UNC5C: variants seen among roughly 807,000 people sequenced by gnomAD.
UNC5C encodes netrin receptor UNC5C.
Under a neutral mutation model 99.8 loss-of-function variants are expected in UNC5C, and 47 were observed. The observed-to-expected ratio is 0.47, with a 90% CI of 0.37 to 0.60. The LOEUF (loss-of-function observed/expected upper bound fraction) is 0.60, where lower values mean the gene tolerates loss of function less well. UNC5C is among the 20% of genes least tolerant of loss of function. UNC5C has a pLI of 0.00. For synonymous variants in UNC5C, 487 were observed against 452.2 expected (o/e 1.08, Z -0.98); for missense variants, 1,062 against 1,165.9 (o/e 0.91, Z 1.30).
At chr4:95,499,507 C>G (rs1486091373) in intron 1 of UNC5C, among the ~76,000 whole-genome samples, 1 of 152,102 alleles carries the variant, frequency 6.6e-6, no homozygotes, top group Non-Finnish European at 1.5e-5. Context: ...ATTCTCTTCT[C>G]TGGAAATCTC....
rs923925366 is a variant in UNC5C at position 95,162,619 on chromosome 4, A to G, written c.*6615T>C. On this transcript the variant is annotated 3_prime_UTR_variant, in exon 16 of 16. Transcript: ENST00000453304. ...TACAAACCAAGGGGACTGCAGGGAAAATCAGGATTGGCAGCCAGGGAGAGA... is the reference window on the plus strand; with the variant it reads ...TACAAACCAAGGGGACTGCAGGGAAGATCAGGATTGGCAGCCAGGGAGAGA... The G allele has an allele frequency of 2.6e-5, 4 of 152,188 alleles. No homozygotes were observed. The highest frequency in any genetic ancestry group is 9.7e-5 in the African/African-American group (4 of 41,446). The allele number at this position is 152,188 out of a possible 1,614,324, so 9.4% of individuals were successfully genotyped here.
intron 1 of UNC5C, among the ~76,000 whole-genome samples, chr4:95,366,189 TG>T (rs1335980334): frequency 6.6e-6 from 1 of 152,064 alleles, no homozygotes; most frequent in Non-Finnish European, 1.5e-5. Flanking sequence ...ATGGGCTGAG[TG>T]CACTGGTGTG....
chr4:95,444,417 G>A (rs938417662), intron 1 of UNC5C, among the ~76,000 whole-genome samples: 75 of 150,128 alleles, frequency 5.0e-4, no homozygotes, highest in African/African-American at 1.7e-3. Flanking sequence ...TGCAGGATCC[G>A]CCCCCCTGGC....
chr4:95,331,512 A>G (rs17434561), intron 2 of UNC5C, among the ~76,000 whole-genome samples: 3,017 of 152,192 alleles, frequency 0.02, 37 homozygotes, highest in Middle Eastern at 0.031. Context: ...CCTTTTCTGT[A>G]AAGTTCTGGA....
At chr4:95,338,909 T>C (rs1743450256) in intron 1 of UNC5C, among the ~76,000 whole-genome samples, 1 of 152,004 alleles carries the variant, frequency 6.6e-6, no homozygotes, top group Admixed American at 6.6e-5. Context: ...GATCCCTGAT[T>C]AAAAATTTAT....
chr4:95,459,609 AC>A (rs1747542898), intron 1 of UNC5C, among the ~76,000 whole-genome samples: 2 of 152,186 alleles, frequency 1.3e-5, no homozygotes, highest in African/African-American at 2.4e-5. Flanking sequence ...GATTTGATAA[AC>A]TTTTTTGTAA....
At chr4:95,450,393 AT>A (rs886903551) in intron 1 of UNC5C, among the ~76,000 whole-genome samples, 4 of 151,970 alleles carry the variant, frequency 2.6e-5, no homozygotes, top group Non-Finnish European at 4.4e-5. Context: ...CTAATTAAAA[AT>A]TTTTTTTCTG....
intron 4 of UNC5C, among the ~76,000 whole-genome samples, chr4:95,265,989 C>T (rs1342817146): frequency 6.6e-6 from 1 of 152,214 alleles, no homozygotes; most frequent in Non-Finnish European, 1.5e-5. Flanking sequence ...CTACACAAAG[C>T]TATACCTACC....
At chr4:95,306,342 A>G (rs1212569295) in intron 2 of UNC5C, among the ~76,000 whole-genome samples, 2 of 152,046 alleles carry the variant, frequency 1.3e-5, no homozygotes, top group Non-Finnish European at 2.9e-5. Flanking sequence ...AGCTGGGACT[A>G]CAGGTGCCTG....
intron 2 of UNC5C, among the ~76,000 whole-genome samples, chr4:95,309,500 T>C (rs764456678): frequency 2.6e-5 from 4 of 151,988 alleles, no homozygotes; most frequent in Non-Finnish European, 5.9e-5. Context: ...AGACAACTTA[T>C]GGAATGAGAG....
At chr4:95,399,305 G>T (rs1488887543) in intron 1 of UNC5C, among the ~76,000 whole-genome samples, 1 of 152,160 alleles carries the variant, frequency 6.6e-6, no homozygotes, top group Non-Finnish European at 1.5e-5. Context: ...CTTCCCTAGA[G>T]ACTACCTGGG....
At chr4:95,223,700 A>ATTT (rs1194447069) in intron 7 of UNC5C, among the ~76,000 whole-genome samples, 1 of 152,124 alleles carries the variant, frequency 6.6e-6, no homozygotes, top group Non-Finnish European at 1.5e-5. Flanking sequence ...TTTGATTTTC[A>ATTT]TTTTTAAACA....
chr4:95,455,991 T>G (rs1304686341), intron 1 of UNC5C, among the ~76,000 whole-genome samples: 1 of 152,090 alleles, frequency 6.6e-6, no homozygotes, highest in African/African-American at 2.4e-5. Flanking sequence ...GCCAGCTGGA[T>G]AGATGGTAGT....
At chr4:95,475,392 T>C (rs1578183606) in intron 1 of UNC5C, among the ~76,000 whole-genome samples, 1 of 151,960 alleles carries the variant, frequency 6.6e-6, no homozygotes, top group East Asian at 2.0e-4. Context: ...GGGAGGGTAA[T>C]AATAACACCC....
At chr4:95,518,864 A>T (rs1722280431) in intron 1 of UNC5C, among the ~76,000 whole-genome samples, 1 of 152,180 alleles carries the variant, frequency 6.6e-6, no homozygotes, top group African/African-American at 2.4e-5. Context: ...TCTAGTGAGA[A>T]ATACGTTGAC....
intron 1 of UNC5C, among the ~76,000 whole-genome samples, chr4:95,386,792 G>T (rs1300877526): frequency 2.0e-5 from 3 of 152,114 alleles, no homozygotes; most frequent in Non-Finnish European, 4.4e-5. Context: ...CCCAAAAAAA[G>T]CCCGAGTCTT....
chr4:95,540,943 A>G (rs2149495998), intron 1 of UNC5C, among the ~76,000 whole-genome samples: 1 of 152,314 alleles, frequency 6.6e-6, no homozygotes. Context: ...AAAGTTATGG[A>G]ATACCACTGG....
chr4:95,427,640 A>G (rs1331492931), intron 1 of UNC5C, among the ~76,000 whole-genome samples: 2 of 152,182 alleles, frequency 1.3e-5, no homozygotes, highest in African/African-American at 4.8e-5. Context: ...AGGTATGTAC[A>G]TTGTTTTTCG....
intron 1 of UNC5C, among the ~76,000 whole-genome samples, chr4:95,459,262 T>G (rs982089288): frequency 2.6e-5 from 4 of 152,188 alleles, no homozygotes; most frequent in South Asian, 2.1e-4. Flanking sequence ...CATCTGGAAT[T>G]CAAGTATTTT....
Sources: gnomAD v4.1 joint callset for allele counts (sites outside exome capture counted in the v4.1 genomes callset) on GRCh38, gnomAD v4.1.1 for gene constraint, MANE v1.5 for transcripts, NCBI Gene and HGNC (gene_info 2026-07-23, HGNC 2026-07-21) for gene names.